EFCAB5: variants seen among roughly 807,000 people sequenced by gnomAD.
EFCAB5 encodes EF-hand calcium-binding domain-containing protein 5.
A neutral mutation model predicts 167.9 loss-of-function variants in EFCAB5; 131 were observed. The observed-to-expected ratio is 0.78, with a 90% CI of 0.68 to 0.90. The LOEUF is 0.90. EFCAB5 is among the 40% of genes least tolerant of loss of function. The pLI is 0.00. For missense variants in EFCAB5, 1,663 were observed against 1,745.2 expected (o/e 0.95, Z 0.84); for synonymous variants, 574 against 602.8 (o/e 0.95, Z 0.70).
chr17:29,983,123 CAATT>C (rs1322066450), intron 4 of EFCAB5, among the ~76,000 whole-genome samples: 1 of 152,186 alleles, frequency 6.6e-6, no homozygotes, highest in Non-Finnish European at 1.5e-5. Flanking sequence ...CACATGGTAT[CAATT>C]AGACTCACTC....
intron 4 of EFCAB5, among the ~76,000 whole-genome samples, chr17:29,983,534 TTA>T (rs2151612899): frequency 6.6e-6 from 1 of 152,298 alleles, no homozygotes; most frequent in Admixed American, 6.5e-5. Context: ...TGGGAAGAAT[TTA>T]TGACTATTTT....
intron 1 of EFCAB5, among the ~76,000 whole-genome samples, chr17:29,932,243 C>T (rs529499624): frequency 1.6e-4 from 24 of 151,340 alleles, no homozygotes; most frequent in South Asian, 8.4e-4. Flanking sequence ...CTCCGCCTCC[C>T]GGGTTCAAGC....
chr17:30,038,222 T>C (rs2069676658), intron 8 of EFCAB5, among the ~76,000 whole-genome samples: 1 of 152,208 alleles, frequency 6.6e-6, no homozygotes, highest in Non-Finnish European at 1.5e-5. Context: ...GACTCTCTTC[T>C]TAGAGGCTAG....
At chr17:29,992,020 A>G (rs546666982) in intron 4 of EFCAB5, among the ~76,000 whole-genome samples, 29 of 152,256 alleles carry the variant, frequency 1.9e-4, no homozygotes, top group Admixed American at 1.4e-3. Flanking sequence ...AATACATATC[A>G]TTTTTTTGTG....
intron 4 of EFCAB5, chr17:29,973,037 A>T (rs1392994999): frequency 6.6e-6 from 1 of 152,404 alleles, no homozygotes; most frequent in African/African-American, 2.4e-5. Flanking sequence ...TAGCTCCCCT[A>T]GACAGGGGCC....
At chr17:30,035,480 A>G (rs1044934060) in intron 8 of EFCAB5, among the ~76,000 whole-genome samples, 1 of 152,218 alleles carries the variant, frequency 6.6e-6, no homozygotes, top group Non-Finnish European at 1.5e-5. Context: ...GGGTCTGAGC[A>G]TTAAACTGAC....
At chr17:30,075,468 T>C (rs2070850230) in intron 14 of EFCAB5, among the ~76,000 whole-genome samples, 1 of 152,138 alleles carries the variant, frequency 6.6e-6, no homozygotes, top group Admixed American at 6.5e-5. Flanking sequence ...CCCCAGCCTA[T>C]GTGGATGGCC....
At chr17:30,068,729 G>A (rs1597758010) in intron 14 of EFCAB5, 1 of 1,473,092 alleles carries the variant, frequency 6.8e-7, no homozygotes, top group East Asian at 2.3e-5. Context: ...GTCGATGGCA[G>A]CCGGGATGAG....
intron 22 of EFCAB5, among the ~76,000 whole-genome samples, chr17:30,103,575 C>T (rs560638212): frequency 2.6e-5 from 4 of 152,112 alleles, no homozygotes; most frequent in South Asian, 2.1e-4. Context: ...TTTAACTCCC[C>T]GTGTAACATT....
chr17:30,045,052 G>A (rs77627079), intron 8 of EFCAB5, among the ~76,000 whole-genome samples: 20 of 152,082 alleles, frequency 1.3e-4, no homozygotes, highest in Non-Finnish European at 8.8e-5. Flanking sequence ...AGAACCAAAG[G>A]ATGCGCCATT....
chr17:30,077,736 T>C (rs961903575), intron 14 of EFCAB5, among the ~76,000 whole-genome samples: 1 of 152,220 alleles, frequency 6.6e-6, no homozygotes, highest in African/African-American at 2.4e-5. Context: ...TGGTAGGACT[T>C]TGAACCAGGG....
At chr17:30,011,848 A>T (rs2068910528) in intron 7 of EFCAB5, among the ~76,000 whole-genome samples, 1 of 152,216 alleles carries the variant, frequency 6.6e-6, no homozygotes, top group South Asian at 2.1e-4. Context: ...GAGCTGTTCC[A>T]GTATAATAAA....
chr17:30,056,198 T>C (rs774787847), intron 12 of EFCAB5, 42 bp downstream of exon 12: 2 of 1,522,418 alleles, frequency 1.3e-6, no homozygotes, highest in Middle Eastern at 2.0e-4. Flanking sequence ...GGCAGTCCAA[T>C]AGATGGATTT....
At chr17:30,040,345 T>G (rs1240053410) in intron 8 of EFCAB5, among the ~76,000 whole-genome samples, 1 of 152,208 alleles carries the variant, frequency 6.6e-6, no homozygotes, top group Non-Finnish European at 1.5e-5. Context: ...TGCAGTGCAG[T>G]CAGGCACCTC....
chr17:29,972,345 G>C (rs187950265), intron 4 of EFCAB5, among the ~76,000 whole-genome samples: 97 of 151,870 alleles, frequency 6.4e-4, no homozygotes, highest in Middle Eastern at 3.4e-3. Context: ...CACCGCGCCC[G>C]GCCCAGGCAT....
intron 4 of EFCAB5, among the ~76,000 whole-genome samples, chr17:29,974,172 G>C (rs1286994343): frequency 9.7e-5 from 14 of 144,056 alleles, no homozygotes; most frequent in African/African-American, 3.2e-4. Flanking sequence ...AAAAAAAAAA[G>C]CTTCAAAATA....
At chr17:30,089,062 G>A (rs1348072176) in intron 19 of EFCAB5, among the ~76,000 whole-genome samples, 1 of 152,002 alleles carries the variant, frequency 6.6e-6, no homozygotes, top group African/African-American at 2.4e-5. Context: ...TTTACATTAG[G>A]TATATCTACT....
At chr17:29,975,468 GCTGGTCTCGAA>G (rs1191705109) in intron 4 of EFCAB5, among the ~76,000 whole-genome samples, 3 of 152,030 alleles carry the variant, frequency 2.0e-5, no homozygotes, top group Non-Finnish European at 4.4e-5. Context: ...TGTTGGCCAG[GCTGGTCTCGAA>G]CTCCTGACCT....
intron 8 of EFCAB5, among the ~76,000 whole-genome samples, chr17:30,042,080 C>T (rs948976811): frequency 6.6e-6 from 1 of 151,862 alleles, no homozygotes; most frequent in Non-Finnish European, 1.5e-5. Flanking sequence ...GCAGTCTTGG[C>T]TCACTGCAAC....
Sources: allele counts gnomAD v4.1 joint callset (sites outside exome capture counted in the v4.1 genomes callset), GRCh38; gene constraint gnomAD v4.1.1; transcripts MANE v1.5; gene names NCBI Gene and HGNC (gene_info 2026-07-23, HGNC 2026-07-21).